Variants in KLF11 observed in about 807,000 individuals in gnomAD.
KLF11 encodes the protein Krueppel-like factor 11.
In KLF11, 26 loss-of-function variants were observed where a neutral mutation model predicts 29.9. The ratio of observed to expected loss-of-function variants is 0.87; its 90% CI spans 0.64 to 1.21. The LOEUF (loss-of-function observed/expected upper bound fraction) is 1.21. Ranked by LOEUF, KLF11 falls within the 50% of genes most tolerant of loss-of-function variation. The probability of loss-of-function intolerance (pLI) is 0.00; values close to 1 mark genes in which losing one functional copy is unlikely to be tolerated. For missense variants in KLF11, 778 were observed against 665.7 expected, an observed-to-expected ratio of 1.17 and a Z score of -1.86; for synonymous variants, 318 against 257.4, an observed-to-expected ratio of 1.24 and a Z score of -2.25.
chr2:10,051,151 G>A (rs1303559566), intron 3 of KLF11, among the ~76,000 whole-genome samples: 3 of 151,514 alleles, frequency 2.0e-5, no homozygotes, highest in African/African-American at 7.3e-5. Context: ...CTCATGATCC[G>A]TCTGTCTCAG....
rs142659789 is a variant in KLF11, at chr2:10,047,880, G to A, written c.543G>A (p.Glu181=). Residue 181 remains glutamate, a synonymous_variant, in exon 3 of 4, where the codon GAG becomes GAA. Coordinates refer to ENST00000305883, the MANE Select transcript of KLF11 (RefSeq NM_003597.5). ...KGTSVIRHTG[E]SPAACFPTIQ... The stretch of plus-strand genomic sequence containing the variant: ...CTAGCGTGATCCGACACACTGGGGA[G>A]AGCCCTGCTGCCTGCTTTCCCACCA... 3.1e-6 allele frequency: 5 copies of A among 1,613,682 alleles called. No homozygotes were observed. The African/African-American group carries it at 5.3e-5, about 17-fold the overall frequency.
Position 10,043,614 on chromosome 2 carries a change from TC to T in KLF11, c.-101del, listed in dbSNP as rs1661060459. The T allele has an allele frequency of 1.2e-6, 1 of 814,152 alleles. No individual in the cohort carries two copies. Among genetic ancestry groups the T allele is most frequent in the African/African-American group, 2.1e-5 (1 of 48,164 alleles). The allele number at this position is 814,152 out of a possible 1,614,324, so 50.4% of individuals were successfully genotyped here. Reference sequence around the variant, plus strand: ...CGAGGCGCGTGCCGGCCGCAGGAGCTCCGGGTTGCCGCCGCCGCCGCCGCCC... The same window carrying T: ...CGAGGCGCGTGCCGGCCGCAGGAGCTCGGGTTGCCGCCGCCGCCGCCGCCC... On this transcript the variant is annotated 5_prime_UTR_variant, in exon 1 of 4. Transcript: ENST00000305883.
Position 10,053,445 on chromosome 2 carries a change from G to A in KLF11, c.*938G>A. 2 of 398,626 alleles carry A rather than the reference G, an allele frequency of 5.0e-6. No individual in the cohort carries two copies. The highest frequency in any genetic ancestry group is 8.8e-5 in the Admixed American group (2 of 22,736). 24.7% of individuals were successfully genotyped at this position (398,626 alleles called of 1,614,324 possible). On this transcript the variant is annotated 3_prime_UTR_variant, in exon 4 of 4. Transcript: ENST00000305883. The stretch of plus-strand genomic sequence containing the variant: ...GCTGTGGCCTTATCCGTACTATATT[G>A]TGGGTAGAGTAACTTCTCAGAAAAA...
intron 1 of KLF11, among the ~76,000 whole-genome samples, chr2:10,044,807 G>A (rs1661135416): frequency 6.6e-6 from 1 of 152,056 alleles, no homozygotes; most frequent in Admixed American, 6.5e-5. Flanking sequence ...TCTTTTGGAA[G>A]AGATCAGCTC....
At position 10,052,989 on chromosome 2, in the gene KLF11, CT is replaced by C. The variant is rs1471224521; in HGVS notation, c.*486del. 5.4e-6 allele frequency: 2 copies of C among 373,492 alleles called. No individual in the cohort carries two copies. The highest frequency in any genetic ancestry group is 4.2e-5 in the African/African-American group (2 of 48,078). The allele number at this position is 373,492 out of a possible 1,614,324, so 23.1% of individuals were successfully genotyped here. ...AACAAAGTTTTTCCTAATGGCCCTTCTTTTAGTAAACTGGACATGTTATTCC... is the reference window on the plus strand; with the variant it reads ...AACAAAGTTTTTCCTAATGGCCCTTCTTTAGTAAACTGGACATGTTATTCC... On this transcript the variant is annotated 3_prime_UTR_variant, in exon 4 of 4. Coordinates refer to ENST00000305883, the MANE Select transcript of KLF11 (RefSeq NM_003597.5).
chr2:10,046,531 G>A (rs375988696), intron 2 of KLF11, 112 bp downstream of exon 2: 18 of 1,196,558 alleles, frequency 1.5e-5, no homozygotes, highest in East Asian at 4.7e-5. Flanking sequence ...AATAAGTTGC[G>A]TATCCTCTCT....
chr2:10,045,640 C>G (rs556455699), intron 1 of KLF11, among the ~76,000 whole-genome samples: 35 of 152,268 alleles, frequency 2.3e-4, no homozygotes, highest in Non-Finnish European at 4.7e-4. Context: ...TGGGCCCTAC[C>G]TGCGTGGAGT....
chr2:10,053,430 T>TATCCGTACTA lies in KLF11; in HGVS notation c.*924_*933dup, dbSNP rs1661467439. 5.0e-6 allele frequency: 2 copies of TATCCGTACTA among 398,548 alleles called. No homozygotes were observed. 24.7% of individuals were successfully genotyped at this position (398,548 alleles called of 1,614,324 possible). On this transcript the variant is annotated 3_prime_UTR_variant, in exon 4 of 4. Transcript: ENST00000305883. ...GTTCTGACTCCTTTTGCTGTGGCCT[T>TATCCGTACTA]ATCCGTACTATATTGTGGGTAGAGT...
chr2:10,045,384 A>G (rs912717062), intron 1 of KLF11, among the ~76,000 whole-genome samples: 1 of 148,902 alleles, frequency 6.7e-6, no homozygotes, highest in Non-Finnish European at 1.5e-5. Flanking sequence ...ACATAGCAAA[A>G]CTCTCTTTCT....
At chr2:10,051,096 T>TA (rs535321345) in intron 3 of KLF11, among the ~76,000 whole-genome samples, 155 of 151,444 alleles carry the variant, frequency 1.0e-3, no homozygotes, top group Non-Finnish European at 1.7e-3. Flanking sequence ...TTTTAGTAGA[T>TA]ACGGGGTTTC....
chr2:10,051,422 G>C (rs1463015077), intron 3 of KLF11, among the ~76,000 whole-genome samples: 1 of 151,390 alleles, frequency 6.6e-6, no homozygotes, highest in Non-Finnish European at 1.5e-5. Flanking sequence ...GGTCAGGCTG[G>C]TCTCGAACTT....
intron 3 of KLF11, among the ~76,000 whole-genome samples, chr2:10,051,923 G>C (rs1362837502): frequency 6.6e-6 from 1 of 152,170 alleles, no homozygotes; most frequent in African/African-American, 2.4e-5. Context: ...ATCGTCTCCA[G>C]CCTCCCAAAG....
In KLF11 at chr2:10,053,668, T is replaced by C. The variant is rs1661476856; in HGVS notation, c.*1161T>C. 1 of 362,866 alleles carries C rather than the reference T, an allele frequency of 2.8e-6. No individual in the cohort carries two copies. The highest frequency in any genetic ancestry group is 4.9e-6 in the Non-Finnish European group (1 of 203,622). The allele number at this position is 362,866 out of a possible 1,614,324, so 22.5% of individuals were successfully genotyped here. A position where few individuals can be genotyped will look rare whatever the true frequency, so the allele number is the denominator to read the frequency against. Reference sequence around the variant, plus strand: ...TCTGTTCATTTTGTTTGAAGGAAATTGTTTTGACCAAACAGAAAATTACTT... The same window carrying C: ...TCTGTTCATTTTGTTTGAAGGAAATCGTTTTGACCAAACAGAAAATTACTT... On this transcript the variant is annotated 3_prime_UTR_variant, in exon 4 of 4. Coordinates refer to ENST00000305883, the MANE Select transcript of KLF11 (RefSeq NM_003597.5).
intron 1 of KLF11, 145 bp from the exon 2 acceptor site, chr2:10,046,005 T>TAC: frequency 1.1e-6 from 1 of 933,542 alleles, no homozygotes; most frequent in South Asian, 1.3e-5. Flanking sequence ...TGTCTTTTAC[T>TAC]ACACCTCGGT....
intron 1 of KLF11, 156 bp downstream of exon 1, chr2:10,043,914 C>T (rs1248973805): frequency 7.9e-6 from 8 of 1,017,942 alleles, no homozygotes; most frequent in African/African-American, 1.7e-5. Flanking sequence ...GCTCCGGAGC[C>T]GGGCGGGGCG....
At chr2:10,047,405 C>T (rs1368099458) in intron 2 of KLF11, among the ~76,000 whole-genome samples, 2 of 152,144 alleles carry the variant, frequency 1.3e-5, no homozygotes, top group East Asian at 3.9e-4. Flanking sequence ...GTGGGCCTGG[C>T]GGCCAGGAGC....
chr2:10,048,866 T>TA (rs1315144501), intron 3 of KLF11, among the ~76,000 whole-genome samples: 6 of 151,814 alleles, frequency 4.0e-5, no homozygotes, highest in African/African-American at 1.2e-4. Context: ...TAGAGTGACT[T>TA]ACAGTGCCCC....
Position 10,047,959 on chromosome 2 carries a change from C to T in KLF11, c.622C>T (p.Leu208=). 6.2e-7 allele frequency: 1 copy of T among 1,614,044 alleles called. No individual in the cohort carries two copies. Among genetic ancestry groups the T allele is most frequent in the African/African-American group, 1.3e-5 (1 of 75,062 alleles). ...CAGCAGAGAAGGAGAAGAGCAGCTT[C>T]TGGGACACTTTGAAACTTTGCAGGA... ...SDSREGEEQL[L]GHFETLQDTH... The change falls in exon 3 of 4, where the codon CTG becomes TTG. Residue 208 remains leucine, a synonymous_variant. Coordinates refer to ENST00000305883, the MANE Select transcript of KLF11 (RefSeq NM_003597.5).
In KLF11 at chr2:10,043,767, T is replaced by G; in HGVS notation, c.42+9T>G. On this transcript the variant is annotated intron_variant, in intron 1 of 3. Coordinates refer to ENST00000305883, the MANE Select transcript of KLF11 (RefSeq NM_003597.5). ...CAGACGACGCGCGCGCAGTGAGTGG[T>G]GGGGCTGCCGCGGCGGGACTACTCG... 1 of 1,366,590 alleles carries G rather than the reference T, an allele frequency of 7.3e-7. No individual in the cohort carries two copies. Among genetic ancestry groups the G allele is most frequent in the South Asian group, 1.3e-5 (1 of 78,464 alleles). The allele number at this position is 1,366,590 out of a possible 1,614,324, so 84.7% of individuals were successfully genotyped here. A position where few individuals can be genotyped will look rare whatever the true frequency, so the allele number is the denominator to read the frequency against.
Sources: allele counts gnomAD v4.1 joint callset (sites outside exome capture counted in the v4.1 genomes callset), GRCh38; gene constraint gnomAD v4.1.1; transcripts MANE v1.5; gene names NCBI Gene and HGNC (gene_info 2026-07-23, HGNC 2026-07-21).